Variants in TIAM2 observed in about 807,000 individuals in gnomAD.
The protein encoded by TIAM2 is TIAM Rac1 associated GEF 2, also known as rho guanine nucleotide exchange factor TIAM2.
In TIAM2, 80 loss-of-function variants were observed where a neutral mutation model predicts 152.9. The observed-to-expected ratio is 0.52, with a 90% CI of 0.44 to 0.63. The LOEUF (loss-of-function observed/expected upper bound fraction) is 0.63, where lower values mean the gene tolerates loss of function less well. Ranked by LOEUF, TIAM2 falls within the 30% of genes least tolerant of loss-of-function variation. The probability of loss-of-function intolerance (pLI) is 0.00; values close to 1 mark genes in which losing one functional copy is unlikely to be tolerated. For missense variants in TIAM2, 1,965 were observed against 2,120.1 expected (o/e 0.93, Z 1.44); for synonymous variants, 804 against 838.0 (o/e 0.96, Z 0.70).
chr6:155,109,752 C>A (rs188129515), intron 2 of TIAM2, among the ~76,000 whole-genome samples: 22 of 152,018 alleles, frequency 1.4e-4, no homozygotes, highest in Admixed American at 1.4e-3. Context: ...AGAACTGAAG[C>A]GACTTGTCCG....
rs958950839 is a variant in TIAM2 at position 155,174,505 on chromosome 6, G to A, written c.2362-2311G>A. Among the ~76,000 whole-genome samples, 1 of 152,068 alleles carries A rather than the reference G, an allele frequency of 6.6e-6. No individual in the cohort carries two copies. Among genetic ancestry groups the A allele is most frequent in the Non-Finnish European group, 1.5e-5 (1 of 68,000 alleles). On this transcript the variant is annotated intron_variant, in intron 9 of 26. Transcript: ENST00000682666. This position sits in a 1 kb window ranked among gnomAD's most constrained non-coding sequence, Gnocchi z 4.2. Reference sequence around the variant, plus strand: ...CCTGCCTCAGCCTCCTGAGTAGCTGGGGCTACAGACGCGTGCCACCATGCC... The same window carrying A: ...CCTGCCTCAGCCTCCTGAGTAGCTGAGGCTACAGACGCGTGCCACCATGCC...
chr6:155,179,105 T>C lies in TIAM2; in HGVS notation c.2590T>C (p.Tyr864His). The C allele has an allele frequency of 1.2e-6, 2 of 1,614,148 alleles. No individual in the cohort carries two copies. Among genetic ancestry groups the C allele is most frequent in the Non-Finnish European group, 1.7e-6 (2 of 1,180,022 alleles). Reference protein sequence around the residue: ...LRKLVDDNVEYCIPAPYEYMQ... With the variant: ...LRKLVDDNVEHCIPAPYEYMQ... ...AAAATTAGTAGATGACAATGTTGAG[T>C]ATTGCATCCCTGCACCATATGAATA... Residue 864 changes from tyrosine to histidine, a missense_variant, in exon 11 of 27, where the codon TAT becomes CAT. Transcript: ENST00000682666.
chr6:155,226,182 A>G (rs372123728), intron 15 of TIAM2, among the ~76,000 whole-genome samples: 99 of 152,328 alleles, frequency 6.5e-4, no homozygotes, highest in African/African-American at 2.2e-3. Flanking sequence ...CCCATTCTTC[A>G]TAAGCGATGA....
chr6:155,226,597 G>A (rs375377427), intron 15 of TIAM2, among the ~76,000 whole-genome samples: 140 of 151,412 alleles, frequency 9.2e-4, no homozygotes, highest in African/African-American at 3.3e-3. Context: ...CCCAGGAGGC[G>A]GAGGTTGCAG....
intron 1 of TIAM2, among the ~76,000 whole-genome samples, chr6:155,065,581 C>T (rs73573710): frequency 0.096 from 14,555 of 151,880 alleles, 922 homozygotes; most frequent in East Asian, 0.23. Context: ...AGTTCGAGAC[C>T]AGCCTGGCCA....
In TIAM2 at chr6:155,046,467, C is replaced by G. The variant is rs182065732; in HGVS notation, c.-208-43822C>G. On this transcript the variant is annotated intron_variant, in intron 1 of 26. Transcript: ENST00000682666. Reference sequence around the variant, plus strand: ...TCTCCTGTCTCAGCCTCCCGAGTAGCTGGGACTACAGGCATGTGCCACCAC... The same window carrying G: ...TCTCCTGTCTCAGCCTCCCGAGTAGGTGGGACTACAGGCATGTGCCACCAC... 5.7e-3 allele frequency among the ~76,000 whole-genome samples: 856 copies of G among 151,478 alleles called. 8 individuals carry two copies. The highest frequency in any genetic ancestry group is 0.019 in the African/African-American group (764 of 41,266).
At chr6:155,135,044 A>C (rs1422765439) in intron 4 of TIAM2, among the ~76,000 whole-genome samples, 1 of 152,176 alleles carries the variant, frequency 6.6e-6, no homozygotes, top group Non-Finnish European at 1.5e-5. Context: ...ATTAAAAAAA[A>C]AACTCTAAGT....
At chr6:155,048,452 A>G (rs1777250766) in intron 1 of TIAM2, among the ~76,000 whole-genome samples, 1 of 152,158 alleles carries the variant, frequency 6.6e-6, no homozygotes, top group African/African-American at 2.4e-5. Context: ...ACAAGATATT[A>G]TTTGGAGCAG....
chr6:155,085,975 C>G (rs1197482969), intron 1 of TIAM2, among the ~76,000 whole-genome samples: 1 of 152,222 alleles, frequency 6.6e-6, no homozygotes, highest in Admixed American at 6.5e-5. Flanking sequence ...CCTGTTTGAT[C>G]TTTCTGTGGT....
chr6:155,187,601 TGAA>T (rs1781078684), intron 14 of TIAM2, among the ~76,000 whole-genome samples: 17 of 111,804 alleles, frequency 1.5e-4, no homozygotes, highest in East Asian at 5.8e-4. Flanking sequence ...TTTTTTGAGA[TGAA>T]GTTTTGCTCT....
intron 1 of TIAM2, among the ~76,000 whole-genome samples, chr6:155,017,661 G>A (rs139469009): frequency 6.1e-4 from 92 of 151,950 alleles, no homozygotes; most frequent in African/African-American, 2.0e-3. Context: ...CTGCCACCAC[G>A]CCCGGCTAAT....
intron 14 of TIAM2, among the ~76,000 whole-genome samples, chr6:155,195,788 C>T (rs935501804): frequency 5.3e-5 from 8 of 152,136 alleles, no homozygotes; most frequent in Non-Finnish European, 1.2e-4. Context: ...GATGGGGCCA[C>T]GTGGCCGTCA....
intron 1 of TIAM2, among the ~76,000 whole-genome samples, chr6:155,015,601 T>G (rs766511158): frequency 6.6e-5 from 10 of 152,030 alleles, no homozygotes; most frequent in African/African-American, 1.2e-4. Context: ...AAAAAGAGAA[T>G]TATTAAATAA....
At chr6:155,247,232 C>T (rs1783385250) in intron 19 of TIAM2, among the ~76,000 whole-genome samples, 1 of 152,216 alleles carries the variant, frequency 6.6e-6, no homozygotes, top group African/African-American at 2.4e-5. Flanking sequence ...TAAGCAACAA[C>T]TAGAGTGAGG....
intron 14 of TIAM2, among the ~76,000 whole-genome samples, chr6:155,210,226 T>A (rs570019730): frequency 6.6e-6 from 1 of 152,158 alleles, no homozygotes; most frequent in African/African-American, 2.4e-5. Context: ...AATTTTTTAA[T>A]GTTTTAATTT....
chr6:155,072,001 G>A (rs1777850190), intron 1 of TIAM2, among the ~76,000 whole-genome samples: 2 of 152,142 alleles, frequency 1.3e-5, no homozygotes, highest in African/African-American at 2.4e-5. Context: ...TTAAGAATGA[G>A]GAGAAATTTG....
chr6:155,073,680 G>T (rs200298056), intron 1 of TIAM2, among the ~76,000 whole-genome samples: 3 of 152,014 alleles, frequency 2.0e-5, no homozygotes, highest in South Asian at 2.1e-4. Flanking sequence ...AAAAAAAAAA[G>T]AATTGAAGAG....
chr6:155,056,101 T>A (rs1244487207), intron 1 of TIAM2, among the ~76,000 whole-genome samples: 1 of 151,958 alleles, frequency 6.6e-6, no homozygotes, highest in African/African-American at 2.4e-5. Context: ...TTTTAATTTT[T>A]AAATTTTTTT....
rs754356546 is a variant in TIAM2 at position 155,253,961 on chromosome 6, C to CCTT, written c.4226-11_4226-9dup. The CCTT allele has an allele frequency of 5.6e-6, 9 of 1,606,856 alleles. No homozygotes were observed. The highest frequency in any genetic ancestry group is 7.6e-6 in the Non-Finnish European group (9 of 1,176,894). ...AAGTTGTAGACTCTTGTTTCCATTT[C>CCTT]CTTTTACATAGGGACAGAAAATAAT... On this transcript the variant is annotated splice_polypyrimidine_tract_variant and intron_variant, in intron 24 of 26. Transcript: ENST00000682666.
Sources: gnomAD v4.1 joint callset for allele counts (sites outside exome capture counted in the v4.1 genomes callset) on GRCh38, gnomAD v4.1.1 for gene constraint, Gnocchi (gnomAD v3.1) non-coding constraint, MANE v1.5 for transcripts, NCBI Gene and HGNC (gene_info 2026-07-23, HGNC 2026-07-21) for gene names.